RBFOX1: variants seen among roughly 807,000 people sequenced by gnomAD.
The protein encoded by RBFOX1 is RNA binding protein fox-1 homolog 1.
A neutral mutation model predicts 57.7 loss-of-function variants in RBFOX1; 8 were observed. The ratio of observed to expected loss-of-function variants is 0.14; its 90% CI spans 0.08 to 0.25. The LOEUF is 0.25. RBFOX1 is among the 10% of genes least tolerant of loss of function. The pLI, the probability that RBFOX1 is intolerant of heterozygous loss-of-function variation, is 1.00. For synonymous variants in RBFOX1, 326 were observed against 222.4 expected, an observed-to-expected ratio of 1.47 and a Z score of -4.15; for missense variants, 611 against 548.5, an observed-to-expected ratio of 1.11 and a Z score of -1.14.
At chr16:7,178,772 G>A (rs546949311) in intron 4 of RBFOX1, among the ~76,000 whole-genome samples, 6 of 152,286 alleles carry the variant, frequency 3.9e-5, no homozygotes, top group African/African-American at 1.4e-4. Context: ...ACATTATACT[G>A]ACCAAATGTG....
At chr16:5,296,360 C>T (rs1046752778) in intron 1 of RBFOX1, among the ~76,000 whole-genome samples, 3 of 152,158 alleles carry the variant, frequency 2.0e-5, no homozygotes, top group Non-Finnish European at 4.4e-5. Context: ...CCCACACTGT[C>T]ATGTAAGTCT....
intron 3 of RBFOX1, among the ~76,000 whole-genome samples, chr16:6,920,779 C>T (rs868675549): frequency 2.6e-5 from 4 of 152,282 alleles, no homozygotes; most frequent in Middle Eastern, 3.4e-3. Flanking sequence ...TGTGTGTCTT[C>T]TCCTCCTCTT....
chr16:5,520,734 C>T (rs1460208330), intron 2 of RBFOX1, among the ~76,000 whole-genome samples: 1 of 152,226 alleles, frequency 6.6e-6, no homozygotes, highest in Non-Finnish European at 1.5e-5. Flanking sequence ...CATACTTCCC[C>T]TCTTTATTGT....
chr16:6,213,914 C>T (rs1229136480), intron 1 of RBFOX1, among the ~76,000 whole-genome samples: 1 of 152,112 alleles, frequency 6.6e-6, no homozygotes, highest in Non-Finnish European at 1.5e-5. Context: ...AGCAGCATCC[C>T]AGCTCTCTAC....
chr16:6,494,261 T>C (rs1380584757), intron 2 of RBFOX1, among the ~76,000 whole-genome samples: 1 of 152,192 alleles, frequency 6.6e-6, no homozygotes, highest in Non-Finnish European at 1.5e-5. Context: ...GTATATATAT[T>C]GTTCTGTACA....
chr16:6,560,173 T>TG (rs2097160802), intron 2 of RBFOX1, among the ~76,000 whole-genome samples: 1 of 26,350 alleles, frequency 3.8e-5, no homozygotes, highest in East Asian at 1.0e-3. Flanking sequence ...TTGCCATTTA[T>TG]CAAAAAAAAA....
intron 3 of RBFOX1, among the ~76,000 whole-genome samples, chr16:5,683,859 G>C (rs77265184): frequency 6.7e-6 from 1 of 149,954 alleles, no homozygotes; most frequent in Non-Finnish European, 1.5e-5. Context: ...ATTACATACA[G>C]ATACCTATAT....
At chr16:6,859,173 A>ATACG (rs1490561575) in intron 3 of RBFOX1, among the ~76,000 whole-genome samples, 1 of 65,344 alleles carries the variant, frequency 1.5e-5, no homozygotes, top group Non-Finnish European at 2.9e-5. Context: ...ACGTATATAT[A>ATACG]TGTATATATA....
chr16:6,323,093 T>A (rs1393080345), intron 2 of RBFOX1, among the ~76,000 whole-genome samples: 2 of 151,846 alleles, frequency 1.3e-5, no homozygotes, highest in Non-Finnish European at 2.9e-5. Flanking sequence ...AATGAGTACA[T>A]GAGCATGGGA....
chr16:6,770,293 C>T (rs1280913367), intron 3 of RBFOX1, among the ~76,000 whole-genome samples: 1 of 152,160 alleles, frequency 6.6e-6, no homozygotes, highest in African/African-American at 2.4e-5. Context: ...TGACCAAATC[C>T]AGTAGCAATT....
intron 4 of RBFOX1, among the ~76,000 whole-genome samples, chr16:7,193,335 T>A (rs1400807128): frequency 5.3e-5 from 8 of 152,212 alleles, no homozygotes; most frequent in Admixed American, 5.2e-4. Flanking sequence ...AGAACTCAGA[T>A]TCTTCCCTAG....
intron 4 of RBFOX1, among the ~76,000 whole-genome samples, chr16:7,335,046 G>A (rs995610725): frequency 6.6e-6 from 1 of 152,124 alleles, no homozygotes; most frequent in Admixed American, 6.6e-5. Context: ...TTTACTTATG[G>A]TTTGCTGAGA....
intron 2 of RBFOX1, among the ~76,000 whole-genome samples, chr16:6,487,402 T>C (rs959881027): frequency 3.4e-4 from 51 of 152,108 alleles, no homozygotes; most frequent in African/African-American, 1.2e-3. Flanking sequence ...CCATTTCTTG[T>C]TTGCTTATGA....
At chr16:6,360,450 A>C (rs545230237) in intron 2 of RBFOX1, among the ~76,000 whole-genome samples, 8 of 152,312 alleles carry the variant, frequency 5.3e-5, no homozygotes, top group African/African-American at 1.9e-4. Flanking sequence ...ATTTGGAAAA[A>C]AAAATGTCCA....
intron 3 of RBFOX1, among the ~76,000 whole-genome samples, chr16:6,664,875 G>A (rs1466104383): frequency 6.6e-6 from 1 of 152,152 alleles, no homozygotes; most frequent in Non-Finnish European, 1.5e-5. Context: ...TTCACCAGCT[G>A]GCAGACCTTG....
At chr16:5,471,637 C>T (rs2069140343) in intron 2 of RBFOX1, among the ~76,000 whole-genome samples, 1 of 152,120 alleles carries the variant, frequency 6.6e-6, no homozygotes, top group African/African-American at 2.4e-5. Context: ...AAGGAACTTC[C>T]CCAAGGCAGA....
chr16:5,554,566 T>C (rs77749384), intron 2 of RBFOX1, among the ~76,000 whole-genome samples: 7,425 of 152,236 alleles, frequency 0.049, 200 homozygotes, highest in East Asian at 0.1. Context: ...TGTATATTTC[T>C]ATAATGAAAA....
intron 4 of RBFOX1, among the ~76,000 whole-genome samples, chr16:7,183,406 G>A (rs2083116634): frequency 2.6e-5 from 4 of 152,154 alleles, no homozygotes; most frequent in Admixed American, 2.0e-4. Context: ...TGAGGCCAGT[G>A]GGCACCATGA....
chr16:6,458,515 A>G (rs941211307), intron 2 of RBFOX1, among the ~76,000 whole-genome samples: 1 of 152,212 alleles, frequency 6.6e-6, no homozygotes, highest in African/African-American at 2.4e-5. Context: ...TATTATTCTC[A>G]CATCTTCATC....
Sources: gnomAD v4.1 joint callset for allele counts (sites outside exome capture counted in the v4.1 genomes callset) on GRCh38, gnomAD v4.1.1 for gene constraint, MANE v1.5 for transcripts, NCBI Gene and HGNC (gene_info 2026-07-23, HGNC 2026-07-21) for gene names.